SYNE2: variants seen among roughly 807,000 people sequenced by gnomAD.
SYNE2 encodes nesprin-2.
Under a neutral mutation model 856.3 loss-of-function variants are expected in SYNE2, and 431 were observed. The ratio of observed to expected loss-of-function variants is 0.50; its 90% CI spans 0.47 to 0.55. The LOEUF is 0.55. SYNE2 is among the 20% of genes least tolerant of loss of function. The probability of loss-of-function intolerance (pLI) is 0.00; values close to 1 mark genes in which losing one functional copy is unlikely to be tolerated. For synonymous variants in SYNE2, 2,923 were observed against 2,872.3 expected (o/e 1.02, Z -0.56); for missense variants, 8,129 against 8,023.2 (o/e 1.01, Z -0.50).
chr14:63,805,068 T>C (rs913541139), intron 1 of SYNE2, among the ~76,000 whole-genome samples: 7 of 152,314 alleles, frequency 4.6e-5, no homozygotes, highest in Admixed American at 2.6e-4. Context: ...CAACTTTATT[T>C]CTGGGTCCTC....
Position 64,027,109 on chromosome 14 carries a change from T to C in SYNE2, c.6405-375T>C, listed in dbSNP as rs867139079. Among the ~76,000 whole-genome samples, 3 of 31,960 alleles carry C rather than the reference T, an allele frequency of 9.4e-5. No individual in the cohort carries two copies. In the Middle Eastern group the frequency reaches 0.035, roughly 372 times the overall value. The allele number at this position is 31,960 out of a possible 152,430, so 21.0% of individuals were successfully genotyped here. A position where few individuals can be genotyped will look rare whatever the true frequency, so the allele number is the denominator to read the frequency against. ...TTGAAGAGCCAATCAGATCTTAATT[T>C]TAAGCTATAAAAGCATAAACTAGTT... On this transcript the variant is annotated intron_variant, in intron 42 of 115. Transcript: ENST00000555002.
At chr14:63,859,489 G>T (rs568088567) in intron 1 of SYNE2, among the ~76,000 whole-genome samples, 1 of 152,008 alleles carries the variant, frequency 6.6e-6, no homozygotes, top group East Asian at 1.9e-4. Flanking sequence ...CACAAATTTT[G>T]ATATGGTGTG....
At chr14:64,025,089 G>A in intron 40 of SYNE2, 41 bp from the exon 41 acceptor site, 1 of 1,613,902 alleles carries the variant, frequency 6.2e-7, no homozygotes, top group Non-Finnish European at 8.5e-7. Context: ...TCCATGGTGT[G>A]GTTACTCCTA....
In SYNE2 at chr14:64,021,464, C is replaced by G; in HGVS notation, c.5301C>G (p.Leu1767=). The G allele has an allele frequency of 6.2e-7, 1 of 1,614,106 alleles. No homozygotes were observed. ...CCCAGATCGGGATGACTGAATCCCT[C>G]TTAAAAGCCCTGTCTCCTTCTGACA... ...AKTQIGMTES[L]LKALSPSDSL... The change falls in exon 36 of 116, where the codon CTC becomes CTG. Residue 1767 remains leucine, a synonymous_variant. Transcript: ENST00000555002.
chr14:64,029,946 G>C lies in SYNE2; in HGVS notation c.6766G>C (p.Val2256Leu). The change falls in exon 44 of 116, where the codon GTT becomes CTT. Residue 2256 changes from valine to leucine, a missense_variant. Transcript: ENST00000555002. Reference protein sequence around the residue: ...GHVREHDSYQVCVTDLNTTLD... With the variant: ...GHVREHDSYQLCVTDLNTTLD... ...CGTTCGAGAACATGATTCATACCAGGTTTGCGTCACAGACCTGAATACTAC... is the reference window on the plus strand; with the variant it reads ...CGTTCGAGAACATGATTCATACCAGCTTTGCGTCACAGACCTGAATACTAC... 1 of 1,614,078 alleles carries C rather than the reference G, an allele frequency of 6.2e-7. No individual in the cohort carries two copies. The highest frequency in any genetic ancestry group is 2.2e-5 in the East Asian group (1 of 44,880).
rs560226719 is a variant in SYNE2, at chr14:64,051,982, T to C, written c.8069T>C (p.Met2690Thr). The change falls in exon 48 of 116, where the codon ATG (methionine) becomes ACG (threonine). Residue 2690 changes from methionine (M) to threonine (T), a missense_variant. This residue lies in a region of SYNE2 where 5,410 missense variants were observed against 5,284.8 expected (regional missense o/e 1.02). Transcript: ENST00000555002. ...SVLKGQAELQ[M>T]KRIWGEKEKK... is the part of the protein sequence containing the mutation. Reference sequence around the variant, plus strand: ...TTAAAGGGGCAAGCTGAACTTCAGATGAAGAGGATTTGGGGAGAAAAAGAA... The same window carrying C: ...TTAAAGGGGCAAGCTGAACTTCAGACGAAGAGGATTTGGGGAGAAAAAGAA... 70 of 1,613,980 alleles carry C rather than the reference T, an allele frequency of 4.3e-5. No individual in the cohort carries two copies. The South Asian group carries it at 7.0e-4, about 16-fold the overall frequency.
chr14:64,098,647 G>T, intron 62 of SYNE2, 100 bp from the exon 63 acceptor site: 1 of 1,255,022 alleles, frequency 8.0e-7, no homozygotes, highest in Non-Finnish European at 1.1e-6. Context: ...CTTGGATAAA[G>T]TAAGTAAAAA....
Position 64,132,415 on chromosome 14 carries a change from A to G in SYNE2, c.14491A>G (p.Met4831Val). Residue 4831 changes from methionine to valine, a missense_variant, in exon 77 of 116, where the codon ATG becomes GTG. Physicochemically the swap from Met to Val is conservative, Grantham distance 21. Transcript: ENST00000555002. ...ILEEKSRQCG[M>V]KLQSLLQKWE... ...AGAAGAAAAGTCACGCCAATGTGGT[A>G]TGAAGCTGCAGAGTTTGTTGCAGGT... The G allele has an allele frequency of 1.9e-6, 3 of 1,614,218 alleles. No homozygotes were observed. Among genetic ancestry groups the G allele is most frequent in the Non-Finnish European group, 1.7e-6 (2 of 1,180,028 alleles).
chr14:64,074,362 C>G (rs1332985621), intron 53 of SYNE2, among the ~76,000 whole-genome samples: 1 of 152,138 alleles, frequency 6.6e-6, no homozygotes, highest in African/African-American at 2.4e-5. Context: ...GGAAGGTAGG[C>G]CAGTCTGGAC....
chr14:63,834,319 T>C (rs562890594), intron 1 of SYNE2, among the ~76,000 whole-genome samples: 1 of 152,160 alleles, frequency 6.6e-6, no homozygotes, highest in African/African-American at 2.4e-5. Context: ...GCTGAGATTG[T>C]ACCCCTGCCC....
intron 76 of SYNE2, among the ~76,000 whole-genome samples, chr14:64,131,568 G>GTTTGTT (rs562924169): frequency 4.7e-4 from 72 of 152,110 alleles, no homozygotes; most frequent in African/African-American, 1.5e-3. Context: ...TTTTTTGTTT[G>GTTTGTT]TTTGTTTTTG....
chr14:64,125,465 C>T (rs1191167272), intron 71 of SYNE2, among the ~76,000 whole-genome samples: 1 of 152,150 alleles, frequency 6.6e-6, no homozygotes, highest in East Asian at 1.9e-4. Context: ...TGAGTGCCGT[C>T]TGCAGTGGTG....
At chr14:63,882,263 A>G (rs967741743) in intron 1 of SYNE2, among the ~76,000 whole-genome samples, 4 of 152,206 alleles carry the variant, frequency 2.6e-5, no homozygotes, top group African/African-American at 9.6e-5. Context: ...CTAAAATTCC[A>G]TTTATGGTTT....
intron 79 of SYNE2, among the ~76,000 whole-genome samples, chr14:64,138,953 G>A (rs1272153237): frequency 2.7e-3 from 292 of 107,304 alleles, no homozygotes; most frequent in African/African-American, 9.9e-3. Context: ...TATGGTGTGT[G>A]TGTGTGTGTG....
At chr14:63,953,195 AC>A (rs2096190782) in intron 7 of SYNE2, among the ~76,000 whole-genome samples, 1 of 152,156 alleles carries the variant, frequency 6.6e-6, no homozygotes, top group South Asian at 2.1e-4. Context: ...ATTAGGAAGG[AC>A]TTTTTTTATG....
At chr14:63,827,724 A>G (rs1889508054) in intron 1 of SYNE2, among the ~76,000 whole-genome samples, 1 of 151,092 alleles carries the variant, frequency 6.6e-6, no homozygotes, top group Non-Finnish European at 1.5e-5. Context: ...AAGCAGCAAA[A>G]GTTTATTAAG....
intron 60 of SYNE2, 34 bp from the exon 61 acceptor site, chr14:64,093,315 A>G: frequency 6.2e-7 from 1 of 1,612,396 alleles, no homozygotes; most frequent in South Asian, 1.1e-5. Context: ...TTAGATTATG[A>G]CAAAGATTCT....
At chr14:64,065,811 T>G (rs1327667627) in intron 51 of SYNE2, among the ~76,000 whole-genome samples, 161 bp downstream of exon 51, 1 of 152,256 alleles carries the variant, frequency 6.6e-6, no homozygotes, top group African/African-American at 2.4e-5. Flanking sequence ...TCAGGCCTTA[T>G]TAAGATAACC....
chr14:63,987,349 A>T (rs144701134), intron 19 of SYNE2, among the ~76,000 whole-genome samples: 2 of 152,116 alleles, frequency 1.3e-5, no homozygotes, highest in Non-Finnish European at 2.9e-5. Context: ...AGGGAGAGTG[A>T]CTCATGTTGT....
Sources: allele counts gnomAD v4.1 joint callset (sites outside exome capture counted in the v4.1 genomes callset), GRCh38; gene constraint gnomAD v4.1.1; regional missense constraint gnomAD v4.1.1; transcripts MANE v1.5; gene names NCBI Gene and HGNC (gene_info 2026-07-23, HGNC 2026-07-21).